Variants in ACTR3B observed in about 807,000 individuals in gnomAD.
The protein encoded by ACTR3B is actin related protein 3B, also known as actin-related protein 3B.
ACTR3B carries 8 observed loss-of-function variants against 59.0 expected under a neutral mutation model. The ratio of observed to expected loss-of-function variants is 0.14; its 90% CI spans 0.08 to 0.24. ACTR3B has a LOEUF of 0.24. Ranked by LOEUF, ACTR3B falls within the 10% of genes least tolerant of loss-of-function variation. ACTR3B has a pLI of 1.00. For missense variants in ACTR3B, 245 were observed against 552.3 expected (o/e 0.44, Z 5.58); for synonymous variants, 148 against 197.9 (o/e 0.75, Z 2.12).
chr7:152,782,003 A>G (rs2116608684), intron 1 of ACTR3B, among the ~76,000 whole-genome samples: 1 of 150,994 alleles, frequency 6.6e-6, no homozygotes, highest in East Asian at 1.9e-4. Context: ...GAAGTTGAGC[A>G]GCAATGTGTG....
chr7:152,843,400 C>T (rs1798022152), intron 9 of ACTR3B, among the ~76,000 whole-genome samples: 2 of 152,200 alleles, frequency 1.3e-5, no homozygotes, highest in Non-Finnish European at 2.9e-5. Context: ...TCCTCTCACT[C>T]CATGGATATC....
At chr7:152,759,968 CG>C in intron 1 of ACTR3B, 42 bp downstream of exon 1, 1 of 1,316,940 alleles carries the variant, frequency 7.6e-7, no homozygotes, top group Admixed American at 3.5e-5. Context: ...TCCGCGGCCC[CG>C]CTCCCGGCCC....
intron 4 of ACTR3B, among the ~76,000 whole-genome samples, chr7:152,803,233 A>G (rs1341704041): frequency 6.6e-6 from 1 of 152,148 alleles, no homozygotes; most frequent in South Asian, 2.1e-4. Context: ...TTTTTTGTGG[A>G]GATGGGGTCT....
intron 2 of ACTR3B, among the ~76,000 whole-genome samples, chr7:152,783,696 AG>A (rs2098162270): frequency 6.8e-6 from 1 of 147,926 alleles, no homozygotes; most frequent in Non-Finnish European, 1.5e-5. Flanking sequence ...AGTTTTAATC[AG>A]TAGAGAATAA....
At chr7:152,817,988 A>T (rs2116840413) in intron 6 of ACTR3B, among the ~76,000 whole-genome samples, 1 of 152,180 alleles carries the variant, frequency 6.6e-6, no homozygotes, top group Admixed American at 6.5e-5. Context: ...TCCTGTGGGG[A>T]GGAGAGGTGG....
chr7:152,811,512 A>C (rs1292043604), intron 4 of ACTR3B: 1 of 152,210 alleles, frequency 6.6e-6, no homozygotes, highest in African/African-American at 2.4e-5. Context: ...GTCTTAATTT[A>C]ACTATTTTTT....
chr7:152,849,070 G>T (rs115255058), intron 9 of ACTR3B, among the ~76,000 whole-genome samples: 1 of 152,188 alleles, frequency 6.6e-6, no homozygotes, highest in South Asian at 2.1e-4. Context: ...GCTGCCTCTC[G>T]AGAAATGGAC....
At chr7:152,829,900 C>G (rs916098339) in intron 9 of ACTR3B, among the ~76,000 whole-genome samples, 1 of 152,138 alleles carries the variant, frequency 6.6e-6, no homozygotes, top group Non-Finnish European at 1.5e-5. Flanking sequence ...TCAGGAGGTA[C>G]TTGAGTACCT....
intron 10 of ACTR3B, among the ~76,000 whole-genome samples, chr7:152,853,048 C>G (rs1798953633): frequency 1.3e-5 from 2 of 152,028 alleles, no homozygotes; most frequent in Non-Finnish European, 2.9e-5. Context: ...GCCTCGGCCT[C>G]CCAAAGTGCT....
At position 152,854,530 on chromosome 7, in the gene ACTR3B, C is replaced by G. The variant is rs147963548; in HGVS notation, c.1234C>G (p.Pro412Ala). The G allele has an allele frequency of 2.6e-4, 414 of 1,614,022 alleles. No homozygotes were observed. The highest frequency in any genetic ancestry group is 3.3e-4 in the Non-Finnish European group (387 of 1,180,036). The part of the protein sequence containing the change: ...EYGPSICRHN[P>A]VFGVMS ...CGGGCCCAGCATCTGCCGCCACAAC[C>G]CCGTCTTTGGAGTCATGTCCTAGTG... The change falls in exon 12 of 12, where the codon CCC (proline) becomes GCC (alanine). Residue 412 changes from proline (P) to alanine (A), a missense_variant. By Grantham distance (27) the Pro-to-Ala change is conservative. Around this residue, in one of 7 missense-constraint regions of ACTR3B, gnomAD observed 153 missense variants for 266.2 expected, o/e 0.57. Transcript: ENST00000256001. This position sits in a 1 kb window ranked among gnomAD's most constrained non-coding sequence, Gnocchi z 4.9.
At chr7:152,777,502 T>C (rs2098138992) in intron 1 of ACTR3B, among the ~76,000 whole-genome samples, 1 of 152,146 alleles carries the variant, frequency 6.6e-6, no homozygotes, top group Non-Finnish European at 1.5e-5. Context: ...CCATTCTGAG[T>C]GGGATGTTTT....
intron 2 of ACTR3B, among the ~76,000 whole-genome samples, chr7:152,793,342 A>T (rs1461008270): frequency 3.3e-5 from 3 of 90,006 alleles, no homozygotes; most frequent in South Asian, 3.7e-4. Flanking sequence ...TTTTTTTTTT[A>T]CTTCTTCCAG....
intron 9 of ACTR3B, among the ~76,000 whole-genome samples, chr7:152,832,394 A>T (rs1181921974): frequency 6.6e-6 from 1 of 152,226 alleles, no homozygotes; most frequent in East Asian, 1.9e-4. Flanking sequence ...CTGCAAATGG[A>T]TGTCACCAAG....
At position 152,839,264 on chromosome 7, in the gene ACTR3B, C is replaced by CGG. The variant is rs1233088896; in HGVS notation, c.952-12857_952-12856dup. 7.5e-5 allele frequency among the ~76,000 whole-genome samples: 10 copies of CGG among 132,892 alleles called. No individual in the cohort carries two copies. The South Asian group carries it at 2.2e-3, about 29-fold the overall frequency. 87.2% of individuals were successfully genotyped at this position (132,892 alleles called of 152,430 possible). A position where few individuals can be genotyped will look rare whatever the true frequency, so the allele number is the denominator to read the frequency against. On this transcript the variant is annotated intron_variant, in intron 9 of 11. Coordinates refer to ENST00000256001, the MANE Select transcript of ACTR3B (RefSeq NM_020445.6). ...TGTGCTGAGCACATGGGCTGCGGGG[C>CGG]GGGGGGTGGCGCCCATGTGTGTTGA...
intron 9 of ACTR3B, among the ~76,000 whole-genome samples, chr7:152,849,536 CA>C (rs1431123317): frequency 6.6e-6 from 1 of 152,234 alleles, no homozygotes; most frequent in Non-Finnish European, 1.5e-5. Context: ...AGGTTTAGCC[CA>C]GGGGTGTCCA....
At chr7:152,784,820 C>CCA (rs1243910493) in intron 2 of ACTR3B, among the ~76,000 whole-genome samples, 1 of 151,922 alleles carries the variant, frequency 6.6e-6, no homozygotes, top group Admixed American at 6.6e-5. Flanking sequence ...GCTGATAAGG[C>CCA]CACCACTCTT....
intron 2 of ACTR3B, among the ~76,000 whole-genome samples, chr7:152,794,758 G>A (rs2098209920): frequency 6.6e-6 from 1 of 152,074 alleles, no homozygotes; most frequent in South Asian, 2.1e-4. Context: ...TGGCCCACAA[G>A]ACTTTTCTAG....
At chr7:152,777,683 G>A (rs141955492) in intron 1 of ACTR3B, among the ~76,000 whole-genome samples, 3 of 151,536 alleles carry the variant, frequency 2.0e-5, no homozygotes, top group African/African-American at 4.9e-5. Flanking sequence ...TGCCATGCGC[G>A]GTGGCTCACG....
chr7:152,814,497 G>A, intron 4 of ACTR3B, 53 bp from the exon 5 acceptor site: 4 of 1,233,488 alleles, frequency 3.2e-6, no homozygotes, highest in Non-Finnish European at 4.7e-6. Flanking sequence ...TGGTTCTGAT[G>A]TATTTACATG....
Sources: allele counts gnomAD v4.1 joint callset (sites outside exome capture counted in the v4.1 genomes callset), GRCh38; gene constraint gnomAD v4.1.1; regional missense constraint gnomAD v4.1.1; non-coding constraint Gnocchi (gnomAD v3.1); transcripts MANE v1.5; gene names NCBI Gene and HGNC (gene_info 2026-07-23, HGNC 2026-07-21).